Variants in RSPH3 observed in about 807,000 individuals in gnomAD.
RSPH3 encodes the protein radial spoke head protein 3 homolog.
Under a neutral mutation model 43.8 loss-of-function variants are expected in RSPH3, and 21 were observed. The observed-to-expected ratio is 0.48, with a 90% CI of 0.34 to 0.69. The LOEUF (loss-of-function observed/expected upper bound fraction) is 0.69, where lower values mean the gene tolerates loss of function less well. Ranked by LOEUF, RSPH3 falls within the 30% of genes least tolerant of loss-of-function variation. The pLI is 0.01. For missense variants in RSPH3, 487 were observed against 516.0 expected, an observed-to-expected ratio of 0.94 and a Z score of 0.54; for synonymous variants, 173 against 179.8, an observed-to-expected ratio of 0.96 and a Z score of 0.30.
downstream of RSPH3, among the ~76,000 whole-genome samples, chr6:158,971,783 G>A (rs918751555): frequency 1.3e-5 from 2 of 152,198 alleles, no homozygotes; most frequent in Admixed American, 6.5e-5. Context: ...TGGAAGATAT[G>A]ATTTCTAGGC....
intron 1 of RSPH3, among the ~76,000 whole-genome samples, chr6:158,995,448 C>T (rs1322086036): frequency 6.6e-6 from 1 of 152,166 alleles, no homozygotes; most frequent in East Asian, 1.9e-4. Flanking sequence ...GAGAATGTTT[C>T]TTTGCCTTTT....
rs1367126490 is a variant in RSPH3, at chr6:158,974,928, C to A, written c.*2610G>T. 6.6e-6 allele frequency: 1 copy of A among 152,378 alleles called. No homozygotes were observed. The highest frequency in any genetic ancestry group is 1.9e-4 in the East Asian group (1 of 5,190). 9.4% of individuals were successfully genotyped at this position (152,378 alleles called of 1,614,324 possible). On this transcript the variant is annotated 3_prime_UTR_variant, in exon 8 of 8. Coordinates refer to ENST00000367069, the MANE Select transcript of RSPH3 (RefSeq NM_031924.8). ...CGATCTCGGCTCACTGCAACCTCCG[C>A]CTCCCGTGTTCAAGCGATTCTCCTG...
At chr6:158,998,483 A>G (rs202193477) in intron 1 of RSPH3, among the ~76,000 whole-genome samples, 8 of 111,490 alleles carry the variant, frequency 7.2e-5, no homozygotes, top group Non-Finnish European at 1.1e-4. Context: ...AAAAAAAAAG[A>G]AAAAAAAAAA....
chr6:158,998,557 T>C (rs373632444), intron 1 of RSPH3, among the ~76,000 whole-genome samples: 29 of 149,268 alleles, frequency 1.9e-4, no homozygotes, highest in African/African-American at 6.9e-4. Context: ...TTCATGGATG[T>C]AAAAACACAA....
downstream of RSPH3, among the ~76,000 whole-genome samples, chr6:158,970,548 T>G (rs1777684190): frequency 6.6e-6 from 1 of 151,712 alleles, no homozygotes; most frequent in Non-Finnish European, 1.5e-5. Flanking sequence ...AAGCTTTTCT[T>G]TTTTTTTCAT....
At chr6:158,964,700 A>G in the RSPH3 span, among the ~76,000 whole-genome samples, 299 of 152,208 alleles carry the variant, frequency 2.0e-3, no homozygotes, top group African/African-American at 6.9e-3. Flanking sequence ...AATTCTTTGT[A>G]TATTCTGGAT....
chr6:158,986,083 T>C (rs1186335267), intron 3 of RSPH3, among the ~76,000 whole-genome samples, 197 bp downstream of exon 3: 2 of 152,188 alleles, frequency 1.3e-5, no homozygotes, highest in African/African-American at 4.8e-5. Flanking sequence ...CCCCAAGTGC[T>C]GAGATTACAG....
downstream of RSPH3, among the ~76,000 whole-genome samples, chr6:158,968,588 C>A (rs1032866173): frequency 1.7e-4 from 26 of 152,200 alleles, no homozygotes; most frequent in Admixed American, 1.5e-3. Context: ...CTGGGGATTA[C>A]AATTAACATC....
chr6:158,995,154 C>T (rs1411088056), intron 1 of RSPH3, among the ~76,000 whole-genome samples: 1 of 152,096 alleles, frequency 6.6e-6, no homozygotes, highest in African/African-American at 2.4e-5. Flanking sequence ...TCCATATACC[C>T]AAAACTCTCA....
intron 2 of RSPH3, chr6:158,988,173 A>C (rs919697459): frequency 3.3e-5 from 5 of 151,900 alleles, no homozygotes; most frequent in Admixed American, 6.6e-5. Flanking sequence ...TTCTTTCAGC[A>C]CTTTGAAAAT....
At chr6:158,993,961 T>C (rs1438626877) in intron 1 of RSPH3, 35 bp from the exon 2 acceptor site, 31 of 1,120,860 alleles carry the variant, frequency 2.8e-5, no homozygotes, top group Non-Finnish European at 3.8e-5. Flanking sequence ...ACCACTTTAA[T>C]AGAGTATTGG....
chr6:158,977,869 A>C (rs1327978395), intron 7 of RSPH3, 21 bp from the exon 8 acceptor site: 3 of 1,566,708 alleles, frequency 1.9e-6, no homozygotes, highest in Non-Finnish European at 1.7e-6. Flanking sequence ...AAATGTTCAG[A>C]CATCACTATG....
At chr6:158,966,435 G>A in the RSPH3 span, among the ~76,000 whole-genome samples, 21 of 152,086 alleles carry the variant, frequency 1.4e-4, no homozygotes, top group African/African-American at 3.1e-4. Context: ...AGAATTCATC[G>A]GTGAAGCTGT....
chr6:158,984,954 G>T (rs1480113893), intron 3 of RSPH3, among the ~76,000 whole-genome samples: 1 of 152,300 alleles, frequency 6.6e-6, no homozygotes, highest in Middle Eastern at 3.4e-3. Context: ...AAAGGCAGGG[G>T]TTAAAGCATG....
intron 2 of RSPH3, 63 bp from the exon 3 acceptor site, chr6:158,986,484 C>T: frequency 4.2e-6 from 6 of 1,413,310 alleles, no homozygotes; most frequent in Non-Finnish European, 5.8e-6. Context: ...ACAGGAACTG[C>T]CATTCCAAAA....
At position 158,983,802 on chromosome 6, in the gene RSPH3, AT is replaced by A; in HGVS notation, c.351del (p.Leu117PhefsTer10). 6.3e-7 allele frequency: 1 copy of A among 1,596,960 alleles called. No homozygotes were observed. Among genetic ancestry groups the A allele is most frequent in the Non-Finnish European group, 8.6e-7 (1 of 1,164,504 alleles). On this transcript the variant is annotated frameshift_variant, in exon 4 of 8. Coordinates refer to ENST00000367069, the MANE Select transcript of RSPH3 (RefSeq NM_031924.8). LOFTEE classifies it high-confidence loss of function. ...GRKHVDVQTE[L>X]YLEEIADRII... is the part of the protein sequence containing the mutation. ...ATGCGATCAGCAATTTCTTCAAGGT[AT>A]AATTCTAAGAAGAATATCATATATA...
chr6:158,993,736 G>A, intron 2 of RSPH3, 103 bp downstream of exon 2: 1 of 604,022 alleles, frequency 1.7e-6, no homozygotes, highest in South Asian at 2.7e-5. Flanking sequence ...TTTATTTTAT[G>A]AATGTTTTAG....
intron 2 of RSPH3, chr6:158,990,541 T>C (rs2128609289): frequency 6.6e-6 from 1 of 152,326 alleles, no homozygotes; most frequent in African/African-American, 2.4e-5. Context: ...ACTTGAAAAA[T>C]ATTGTGCCAC....
intron 2 of RSPH3, among the ~76,000 whole-genome samples, chr6:158,987,413 A>G (rs1349858269): frequency 6.6e-6 from 1 of 152,098 alleles, no homozygotes; most frequent in Non-Finnish European, 1.5e-5. Context: ...CCTTTATCCA[A>G]TCAGCTCTTC....
Sources: gnomAD v4.1 joint callset for allele counts (sites outside exome capture counted in the v4.1 genomes callset) on GRCh38, gnomAD v4.1.1 for gene constraint, MANE v1.5 for transcripts, NCBI Gene and HGNC (gene_info 2026-07-23, HGNC 2026-07-21) for gene names.